Variants in CMKLR1 observed in about 807,000 individuals in gnomAD.
CMKLR1 encodes chemerin-like receptor 1.
A neutral mutation model predicts 8.2 loss-of-function variants in CMKLR1; 6 were observed. The observed-to-expected ratio is 0.73, with a 90% CI of 0.40 to 1.44. CMKLR1 has a LOEUF of 1.44. CMKLR1 is among the 40% of genes most tolerant of loss of function. The pLI is 0.02. For synonymous variants in CMKLR1, 178 were observed against 181.2 expected (o/e 0.98, Z 0.14); for missense variants, 429 against 478.0 (o/e 0.90, Z 0.96).
chr12:108,337,071 T>G (rs757718897), intron 1 of CMKLR1, among the ~76,000 whole-genome samples: 2 of 152,172 alleles, frequency 1.3e-5, no homozygotes, highest in Non-Finnish European at 2.9e-5. Flanking sequence ...TCAAATAATA[T>G]CATCCTTATT....
chr12:108,316,374 T>C (rs994992877), intron 2 of CMKLR1, among the ~76,000 whole-genome samples: 6 of 151,690 alleles, frequency 4.0e-5, no homozygotes, highest in Non-Finnish European at 7.4e-5. Flanking sequence ...GGATGACACC[T>C]CCTCAACGTA....
intron 1 of CMKLR1, among the ~76,000 whole-genome samples, chr12:108,330,986 C>T (rs552558162): frequency 6.6e-6 from 1 of 152,164 alleles, no homozygotes; most frequent in Non-Finnish European, 1.5e-5. Flanking sequence ...AAAAATGAAC[C>T]TCCTCTCTTA....
intron 2 of CMKLR1, among the ~76,000 whole-genome samples, chr12:108,317,020 C>T (rs1183704497): frequency 6.6e-6 from 1 of 152,182 alleles, no homozygotes; most frequent in African/African-American, 2.4e-5. Flanking sequence ...CCAAGCTGGT[C>T]TCCAACTCCT....
chr12:108,307,975 T>C (rs1009575051), intron 2 of CMKLR1, among the ~76,000 whole-genome samples: 3 of 152,236 alleles, frequency 2.0e-5, no homozygotes, highest in African/African-American at 4.8e-5. Flanking sequence ...TTGCCCATTA[T>C]TCTCATTTCA....
At chr12:108,336,420 C>T (rs1892225561) in intron 1 of CMKLR1, among the ~76,000 whole-genome samples, 1 of 152,112 alleles carries the variant, frequency 6.6e-6, no homozygotes. Context: ...GTGGTGGGTG[C>T]CTGTAGTCGC....
At chr12:108,335,307 G>A (rs1199429561) in intron 1 of CMKLR1, among the ~76,000 whole-genome samples, 1 of 152,150 alleles carries the variant, frequency 6.6e-6, no homozygotes, top group Non-Finnish European at 1.5e-5. Flanking sequence ...TAGTTCTCAT[G>A]TGAGTGGAAG....
intron 1 of CMKLR1, among the ~76,000 whole-genome samples, chr12:108,332,244 T>A (rs946976048): frequency 6.6e-6 from 1 of 152,126 alleles, no homozygotes; most frequent in African/African-American, 2.4e-5. Flanking sequence ...ACAAAAACAA[T>A]AGGTGGCCGG....
Position 108,292,017 on chromosome 12 carries a change from A to G in CMKLR1, c.946T>C (p.Tyr316His). Residue 316 changes from tyrosine to histidine, a missense_variant, in exon 4 of 4, where the codon TAT becomes CAT. Coordinates refer to ENST00000550402, the MANE Select transcript of CMKLR1 (RefSeq NM_001142343.2). ...TTGAAGTCCTGACCCATGAAAACAT[A>G]CAGAATGGGGTTCATGCAGCTGTTG... ...IANSCMNPILYVFMGQDFKKF... is the reference protein window; with the variant it reads ...IANSCMNPILHVFMGQDFKKF... The G allele has an allele frequency of 6.2e-7, 1 of 1,614,216 alleles. No homozygotes were observed. Among genetic ancestry groups the G allele is most frequent in the Non-Finnish European group, 8.5e-7 (1 of 1,180,050 alleles).
chr12:108,338,718 C>G (rs183020973), intron 1 of CMKLR1, among the ~76,000 whole-genome samples: 1 of 152,110 alleles, frequency 6.6e-6, no homozygotes, highest in Admixed American at 6.5e-5. Flanking sequence ...CTTAAGATAG[C>G]CTTTCTATGC....
chr12:108,328,225 A>G (rs1364282361), intron 2 of CMKLR1, among the ~76,000 whole-genome samples: 1 of 152,200 alleles, frequency 6.6e-6, no homozygotes, highest in East Asian at 1.9e-4. Flanking sequence ...CAAGGCAGGA[A>G]GTCGAAAGGG....
intron 2 of CMKLR1, among the ~76,000 whole-genome samples, chr12:108,308,825 A>C (rs1891478178): frequency 6.6e-6 from 1 of 152,208 alleles, no homozygotes; most frequent in Non-Finnish European, 1.5e-5. Flanking sequence ...CCTTCCAAGA[A>C]ATAGTCATTA....
intron 2 of CMKLR1, among the ~76,000 whole-genome samples, chr12:108,308,528 G>A (rs190658673): frequency 1.4e-3 from 211 of 152,244 alleles, no homozygotes; most frequent in African/African-American, 4.2e-3. Context: ...TCCTGCCCTC[G>A]CCTTGACTGT....
chr12:108,322,858 C>T (rs1891894138), intron 2 of CMKLR1, among the ~76,000 whole-genome samples: 1 of 152,188 alleles, frequency 6.6e-6, no homozygotes. Context: ...TTTATAGCAA[C>T]ACAAAATGGA....
Position 108,292,785 on chromosome 12 carries a change from G to T in CMKLR1, c.178C>A (p.Leu60Met). ...VCFLGILGNG[L>M]VIIIATFKMK... ...TTGAAGGTGGCAATGATGATCACCA[G>T]ACCATTGCCCAGAATCCCGAGGAAG... The change falls in exon 4 of 4, where the codon CTG becomes ATG. Residue 60 changes from leucine (L) to methionine (M), a missense_variant. Transcript: ENST00000550402. 6.2e-7 allele frequency: 1 copy of T among 1,614,184 alleles called. No homozygotes were observed. The highest frequency in any genetic ancestry group is 8.5e-7 in the Non-Finnish European group (1 of 1,180,040).
intron 2 of CMKLR1, among the ~76,000 whole-genome samples, chr12:108,296,887 C>T (rs1373542550): frequency 2.6e-5 from 4 of 152,092 alleles, no homozygotes; most frequent in Non-Finnish European, 4.4e-5. Context: ...GTCCTCTCCT[C>T]TCAAGTGGGG....
At chr12:108,310,678 G>A (rs546369099) in intron 2 of CMKLR1, among the ~76,000 whole-genome samples, 18 of 152,272 alleles carry the variant, frequency 1.2e-4, no homozygotes, top group African/African-American at 2.9e-4. Context: ...GGGTCTTCAC[G>A]GGAAAAGCCA....
chr12:108,293,657 A>T lies in CMKLR1; in HGVS notation c.-66T>A. The T allele has an allele frequency of 7.1e-7, 1 of 1,404,876 alleles. No homozygotes were observed. Among genetic ancestry groups the T allele is most frequent in the Non-Finnish European group, 9.7e-7 (1 of 1,026,036 alleles). 87.0% of individuals were successfully genotyped at this position (1,404,876 alleles called of 1,614,324 possible). On this transcript the variant is annotated 5_prime_UTR_variant, in exon 3 of 4. It removes the in-frame stop codon of an upstream open reading frame in the 5' UTR. Transcript: ENST00000550402. ...AGCCAATCAGTCCCTGTACACAGCT[A>T]GAAACACCTGTAGGGAAAAAAAAAA...
intron 2 of CMKLR1, among the ~76,000 whole-genome samples, chr12:108,329,293 T>C (rs1892051196): frequency 6.6e-6 from 1 of 152,188 alleles, no homozygotes; most frequent in African/African-American, 2.4e-5. Context: ...CCATCCCTGC[T>C]TCCTGCCCAC....
At chr12:108,295,991 G>A (rs140873907) in intron 2 of CMKLR1, among the ~76,000 whole-genome samples, 76 of 152,296 alleles carry the variant, frequency 5.0e-4, no homozygotes, top group African/African-American at 1.8e-3. Context: ...CATCCTTCCA[G>A]GAATTGAGTG....
Sources: allele counts gnomAD v4.1 joint callset (sites outside exome capture counted in the v4.1 genomes callset), GRCh38; gene constraint gnomAD v4.1.1; transcripts MANE v1.5; gene names NCBI Gene and HGNC (gene_info 2026-07-23, HGNC 2026-07-21).